Variants in NEURL1 observed in about 807,000 individuals in gnomAD.
NEURL1 encodes E3 ubiquitin-protein ligase NEURL1.
A neutral mutation model predicts 41.2 loss-of-function variants in NEURL1; 26 were observed. The observed-to-expected ratio is 0.63, with a 90% CI of 0.46 to 0.87. NEURL1 has a LOEUF of 0.87. Ranked by LOEUF, NEURL1 falls within the 40% of genes least tolerant of loss-of-function variation. NEURL1 has a pLI of 0.00. For synonymous variants in NEURL1, 400 were observed against 402.3 expected, an observed-to-expected ratio of 0.99 and a Z score of 0.07; for missense variants, 761 against 871.1, an observed-to-expected ratio of 0.87 and a Z score of 1.59.
intron 3 of NEURL1, among the ~76,000 whole-genome samples, chr10:103,575,827 C>T (rs1204353095): frequency 6.6e-6 from 1 of 152,236 alleles, no homozygotes; most frequent in Non-Finnish European, 1.5e-5. Context: ...GAGAAGGACC[C>T]GCCAGCAACT....
At chr10:103,517,583 C>T (rs1191351407) in intron 1 of NEURL1, among the ~76,000 whole-genome samples, 2 of 152,224 alleles carry the variant, frequency 1.3e-5, no homozygotes, top group Non-Finnish European at 2.9e-5. Flanking sequence ...CTCTGTGTCT[C>T]CTCTGAGTTG....
intron 1 of NEURL1, among the ~76,000 whole-genome samples, chr10:103,562,411 G>A (rs1156352246): frequency 6.6e-6 from 1 of 152,086 alleles, no homozygotes; most frequent in Non-Finnish European, 1.5e-5. Context: ...AAAAAAGAAA[G>A]TGGTCTCTGC....
intron 1 of NEURL1, among the ~76,000 whole-genome samples, chr10:103,557,096 AC>A (rs2035172740): frequency 6.6e-6 from 1 of 151,974 alleles, no homozygotes; most frequent in African/African-American, 2.4e-5. Flanking sequence ...CAGTTTTCTC[AC>A]CTGTCAATGA....
At chr10:103,498,441 T>G (rs1374391950) in intron 1 of NEURL1, among the ~76,000 whole-genome samples, 1 of 152,120 alleles carries the variant, frequency 6.6e-6, no homozygotes, top group African/African-American at 2.4e-5. Flanking sequence ...TTAGCCAGGA[T>G]GGTCTCGATC....
chr10:103,497,521 T>C (rs2033713135), intron 1 of NEURL1, among the ~76,000 whole-genome samples: 1 of 152,228 alleles, frequency 6.6e-6, no homozygotes. Context: ...ATCCTGGGAC[T>C]GATTGGAGAT....
intron 1 of NEURL1, among the ~76,000 whole-genome samples, chr10:103,516,888 TCTCTTC>T (rs1168874825): frequency 1.5e-4 from 20 of 136,416 alleles, no homozygotes; most frequent in African/African-American, 5.1e-4. Flanking sequence ...CCTCCCTCCC[TCTCTTC>T]CTTCCTTCCT....
intron 1 of NEURL1, among the ~76,000 whole-genome samples, chr10:103,506,746 G>GAC (rs1424203964): frequency 6.6e-6 from 1 of 152,118 alleles, no homozygotes; most frequent in South Asian, 2.1e-4. Flanking sequence ...TTTTAGTAGA[G>GAC]ACAGGGTTTC....
At chr10:103,586,643 A>G (rs1022577785) in intron 4 of NEURL1, among the ~76,000 whole-genome samples, 1 of 152,244 alleles carries the variant, frequency 6.6e-6, no homozygotes, top group African/African-American at 2.4e-5. Flanking sequence ...CACATATGTT[A>G]ATGCATGTAA....
At chr10:103,539,239 C>G (rs1243095118) in intron 1 of NEURL1, among the ~76,000 whole-genome samples, 2 of 152,178 alleles carry the variant, frequency 1.3e-5, no homozygotes, top group Non-Finnish European at 2.9e-5. Context: ...AGCCACTGCA[C>G]CCAGCCAATG....
intron 1 of NEURL1, among the ~76,000 whole-genome samples, chr10:103,551,763 T>A (rs2035036597): frequency 6.6e-6 from 1 of 152,144 alleles, no homozygotes; most frequent in African/African-American, 2.4e-5. Flanking sequence ...GATTGCCACA[T>A]CCTATTTGGG....
intron 2 of NEURL1, 51 bp downstream of exon 2, chr10:103,571,164 A>G (rs374739760): frequency 1.3e-4 from 200 of 1,564,086 alleles, no homozygotes; most frequent in Admixed American, 5.6e-4. Context: ...TGCTCCCCTC[A>G]TGGCATCCCC....
intron 1 of NEURL1, among the ~76,000 whole-genome samples, chr10:103,543,627 C>G (rs1181314498): frequency 6.6e-6 from 1 of 152,192 alleles, no homozygotes; most frequent in African/African-American, 2.4e-5. Context: ...CAGGGTGCTC[C>G]CAGTATGGGA....
At chr10:103,544,507 G>A (rs1324242504) in intron 1 of NEURL1, among the ~76,000 whole-genome samples, 1 of 152,338 alleles carries the variant, frequency 6.6e-6, no homozygotes, top group Middle Eastern at 3.4e-3. Context: ...CAGAGATAAA[G>A]TGAACCAGTC....
intron 1 of NEURL1, among the ~76,000 whole-genome samples, chr10:103,531,925 C>T (rs2034581967): frequency 6.6e-6 from 1 of 152,142 alleles, no homozygotes; most frequent in Non-Finnish European, 1.5e-5. Context: ...TGAATTGATC[C>T]CTTTATCATT....
chr10:103,577,513 G>A (rs1261748636), intron 3 of NEURL1: 4 of 152,674 alleles, frequency 2.6e-5, no homozygotes, highest in Non-Finnish European at 5.9e-5. Context: ...ACAGCTGGCA[G>A]TTGGTGGAGC....
Position 103,584,762 on chromosome 10 carries a change from C to T in NEURL1, c.876C>T (p.Gly292=). Residue 292 remains glycine, a synonymous_variant, in exon 4 of 6, where the codon GGC becomes GGT. Transcript: ENST00000369780. ...HSRALPAQLD[G]DLRFHALRAG... ...GCGCGCTGCCGGCGCAGCTCGACGG[C>T]GACCTGCGTTTCCACGCCCTGCGCG... is the stretch of plus-strand genomic sequence containing the variant. 2.8e-6 allele frequency: 4 copies of T among 1,454,288 alleles called. No individual in the cohort carries two copies. The South Asian group carries it at 5.3e-5, about 19-fold the overall frequency. The allele number at this position is 1,454,288 out of a possible 1,614,324, so 90.1% of individuals were successfully genotyped here. A position where few individuals can be genotyped will look rare whatever the true frequency, so the allele number is the denominator to read the frequency against.
At position 103,589,643 on chromosome 10, in the gene NEURL1, T is replaced by C. The variant is rs1191715316; in HGVS notation, c.1469T>C (p.Leu490Pro). Residue 490 changes from leucine (L) to proline (P), a missense_variant, in exon 5 of 6, where the codon CTG (leucine) becomes CCG (proline). Physicochemically the swap from Leu to Pro is moderately conservative, Grantham distance 98. Transcript: ENST00000369780. ...CTCAGCACGTGCAGCTCTGGCCCTC[T>C]GGGTAGCTCTGCTGGTGGTAAGTAG... is the stretch of plus-strand genomic sequence containing the variant. ...PLLSTCSSGP[L>P]GSSAGGTAPN... The C allele has an allele frequency of 6.2e-7, 1 of 1,610,950 alleles. No individual in the cohort carries two copies. Among genetic ancestry groups the C allele is most frequent in the Admixed American group, 1.7e-5 (1 of 59,576 alleles).
intron 1 of NEURL1, among the ~76,000 whole-genome samples, chr10:103,527,902 G>A (rs1231255488): frequency 1.3e-5 from 2 of 152,184 alleles, no homozygotes; most frequent in Non-Finnish European, 2.9e-5. Flanking sequence ...TGTATTTAGA[G>A]TAGAGAGGAG....
intron 1 of NEURL1, among the ~76,000 whole-genome samples, chr10:103,513,548 A>G (rs2034125492): frequency 6.6e-6 from 1 of 152,232 alleles, no homozygotes; most frequent in Admixed American, 6.5e-5. Context: ...GCCGCGAGCC[A>G]CGCCTAGTGC....
Sources: gnomAD v4.1 joint callset for allele counts (sites outside exome capture counted in the v4.1 genomes callset) on GRCh38, gnomAD v4.1.1 for gene constraint, MANE v1.5 for transcripts, NCBI Gene and HGNC (gene_info 2026-07-23, HGNC 2026-07-21) for gene names.